The following ASTN2 variants were observed in gnomAD, a reference collection of about 807,000 sequenced individuals.
The protein encoded by ASTN2 is astrotactin-2.
A neutral mutation model predicts 139.8 loss-of-function variants in ASTN2; 54 were observed. That is an observed-to-expected ratio of 0.39 (90% CI 0.31 to 0.48). The LOEUF is 0.48. Among genes scored for constraint, ASTN2 ranks in the 20% least tolerant of loss-of-function variants. ASTN2 has a pLI of 0.95. For missense variants in ASTN2, 1,565 were observed against 1,725.1 expected (o/e 0.91, Z 1.64); for synonymous variants, 756 against 719.5 (o/e 1.05, Z -0.81).
chr9:116,819,611 A>G (rs934011708), intron 12 of ASTN2, among the ~76,000 whole-genome samples: 2 of 152,342 alleles, frequency 1.3e-5, no homozygotes, highest in African/African-American at 4.8e-5. Context: ...TGTGAAACAC[A>G]GGACTGAAAA....
chr9:117,221,652 C>T (rs1832522131), intron 2 of ASTN2, among the ~76,000 whole-genome samples: 1 of 152,120 alleles, frequency 6.6e-6, no homozygotes, highest in South Asian at 2.1e-4. Flanking sequence ...TGTTTCTGGT[C>T]CCTGGCAGCC....
intron 7 of ASTN2, among the ~76,000 whole-genome samples, chr9:116,987,602 T>A (rs1277884849): frequency 6.6e-6 from 1 of 152,234 alleles, no homozygotes. Context: ...CTTTTCTTCA[T>A]AAATTACCCA....
intron 13 of ASTN2, among the ~76,000 whole-genome samples, chr9:116,752,897 A>G (rs1005863946): frequency 3.3e-5 from 5 of 152,208 alleles, no homozygotes; most frequent in African/African-American, 1.2e-4. Context: ...GAGAAACAGA[A>G]AGAGTTAATT....
chr9:116,923,715 G>T (rs989781731), intron 10 of ASTN2, among the ~76,000 whole-genome samples: 1 of 152,170 alleles, frequency 6.6e-6, no homozygotes, highest in African/African-American at 2.4e-5. Flanking sequence ...TGGAAATGAA[G>T]AATTCAACTT....
chr9:116,620,558 G>A lies in ASTN2; in HGVS notation c.3073-115C>T, dbSNP rs183251115. ...GAGGGCTTTAGAGTAGCCCCTTTAA[G>A]CACAAGACACCATCTATTCCCTAAG... On this transcript the variant is annotated intron_variant, in intron 17 of 22. Transcript: ENST00000313400. The A allele has an allele frequency of 5.2e-5, 67 of 1,299,032 alleles. No individual in the cohort carries two copies. In the East Asian group the frequency reaches 1.1e-3, roughly 22 times the overall value. The allele number at this position is 1,299,032 out of a possible 1,614,324, so 80.5% of individuals were successfully genotyped here. A position where few individuals can be genotyped will look rare whatever the true frequency, so the allele number is the denominator to read the frequency against.
At chr9:116,711,819 C>T (rs1828171257) in intron 16 of ASTN2, among the ~76,000 whole-genome samples, 2 of 152,096 alleles carry the variant, frequency 1.3e-5, no homozygotes, top group African/African-American at 2.4e-5. Flanking sequence ...TCTGAATCCT[C>T]ATGGCTGCTA....
chr9:116,443,436 TG>T (rs1166882781), intron 20 of ASTN2, among the ~76,000 whole-genome samples: 5 of 152,200 alleles, frequency 3.3e-5, no homozygotes, highest in African/African-American at 1.2e-4. Flanking sequence ...CACCTTTCTA[TG>T]ATGTCATCTG....
chr9:117,202,378 C>T (rs531926137), intron 3 of ASTN2, among the ~76,000 whole-genome samples: 2 of 152,212 alleles, frequency 1.3e-5, no homozygotes, highest in South Asian at 4.1e-4. Context: ...TTGATCCTGT[C>T]GTCATAATGC....
intron 6 of ASTN2, among the ~76,000 whole-genome samples, chr9:117,011,158 A>G (rs1837521304): frequency 6.6e-6 from 1 of 152,196 alleles, no homozygotes; most frequent in Non-Finnish European, 1.5e-5. Context: ...TAAATGCAAT[A>G]CCAGTAAACA....
intron 19 of ASTN2, among the ~76,000 whole-genome samples, chr9:116,580,972 C>G (rs1853925142): frequency 6.6e-6 from 1 of 151,966 alleles, no homozygotes. Context: ...CAAAAAAAAT[C>G]CTTCTAATTC....
chr9:116,464,026 G>A (rs1336266629), intron 20 of ASTN2, among the ~76,000 whole-genome samples: 2 of 150,888 alleles, frequency 1.3e-5, no homozygotes, highest in Non-Finnish European at 2.9e-5. Flanking sequence ...GAGATTAAAG[G>A]TGCCAGCCAC....
intron 3 of ASTN2, among the ~76,000 whole-genome samples, chr9:117,198,238 T>C (rs766024736): frequency 5.3e-5 from 8 of 152,054 alleles, no homozygotes; most frequent in Non-Finnish European, 1.2e-4. Context: ...GTTCATGCAT[T>C]CTCAATGTTC....
chr9:117,066,323 A>C (rs10983492), intron 5 of ASTN2, among the ~76,000 whole-genome samples: 9,822 of 134,696 alleles, frequency 0.073, 396 homozygotes, highest in East Asian at 0.12. Flanking sequence ...CCAATTTCAT[A>C]CATGTCCCTA....
intron 5 of ASTN2, among the ~76,000 whole-genome samples, chr9:117,080,595 TTTTCA>T (rs1828401914): frequency 6.6e-6 from 1 of 152,130 alleles, no homozygotes; most frequent in Non-Finnish European, 1.5e-5. Flanking sequence ...CTCTCGAAGG[TTTTCA>T]TTTATTTCTA....
chr9:116,979,111 T>C (rs568965044), intron 7 of ASTN2, among the ~76,000 whole-genome samples: 1 of 152,332 alleles, frequency 6.6e-6, no homozygotes, highest in East Asian at 1.9e-4. Context: ...ACTTGTTTTA[T>C]AGATGACACT....
At chr9:117,115,993 C>A (rs1310684396) in intron 4 of ASTN2, among the ~76,000 whole-genome samples, 1 of 148,018 alleles carries the variant, frequency 6.8e-6, no homozygotes, top group African/African-American at 2.5e-5. Flanking sequence ...CCACTGCACT[C>A]CAGACTGGGG....
chr9:116,632,922 G>A (rs1240637681), intron 17 of ASTN2, among the ~76,000 whole-genome samples: 1 of 152,152 alleles, frequency 6.6e-6, no homozygotes, highest in Admixed American at 6.5e-5. Flanking sequence ...CCTTGCACAA[G>A]GCATGACCCA....
At chr9:116,894,445 G>A (rs1833836309) in intron 10 of ASTN2, among the ~76,000 whole-genome samples, 1 of 152,196 alleles carries the variant, frequency 6.6e-6, no homozygotes, top group Non-Finnish European at 1.5e-5. Context: ...GTAATTCTGA[G>A]AAAATCCTGA....
chr9:117,217,875 G>A (rs1274284873), intron 2 of ASTN2, among the ~76,000 whole-genome samples: 2 of 152,168 alleles, frequency 1.3e-5, no homozygotes, highest in African/African-American at 4.8e-5. Context: ...ACTTGCCTTG[G>A]ATCCCCAAAT....
Sources: allele counts gnomAD v4.1 joint callset (sites outside exome capture counted in the v4.1 genomes callset), GRCh38; gene constraint gnomAD v4.1.1; transcripts MANE v1.5; gene names NCBI Gene and HGNC (gene_info 2026-07-23, HGNC 2026-07-21).